The following BCL2 variants were observed in gnomAD, a reference collection of about 807,000 sequenced individuals.
The protein encoded by BCL2 is BCL2 apoptosis regulator, also known as apoptosis regulator Bcl-2.
A neutral mutation model predicts 14.2 loss-of-function variants in BCL2; 1 was observed. The observed-to-expected ratio is 0.07, with a 90% CI of 0.02 to 0.33. BCL2 has a LOEUF of 0.33. BCL2 is among the 10% of genes least tolerant of loss of function. BCL2 has a pLI of 0.99. For missense variants in BCL2, 247 were observed against 305.9 expected, an observed-to-expected ratio of 0.81 and a Z score of 1.44; for synonymous variants, 151 against 137.2, an observed-to-expected ratio of 1.10 and a Z score of -0.70.
intron 2 of BCL2, among the ~76,000 whole-genome samples, chr18:63,151,544 A>C: frequency 1.6e-5 from 2 of 124,918 alleles, no homozygotes; most frequent in South Asian, 2.8e-4. Context: ...CATAGGCTAC[A>C]GGGGGAGGAT....
intron 2 of BCL2, among the ~76,000 whole-genome samples, chr18:63,196,068 T>C (rs1213902009): frequency 6.6e-6 from 1 of 152,216 alleles, no homozygotes; most frequent in Non-Finnish European, 1.5e-5. Context: ...CAATTCTCTA[T>C]TTTACCTTGT....
At chr18:63,224,536 T>C (rs899242886) in intron 2 of BCL2, among the ~76,000 whole-genome samples, 9 of 152,216 alleles carry the variant, frequency 5.9e-5, no homozygotes, top group African/African-American at 2.2e-4. Flanking sequence ...TTTTTTAACC[T>C]GGATTTTCCC....
rs34986306 is a variant in BCL2 at position 63,294,998 on chromosome 18, CA to C, written c.585+23083del. ...AAACCCCCATCTCTACTGAAAATAC[CA>C]AAAAAAAAAAAAAAAATTAGCCAGG... On this transcript the variant is annotated intron_variant, in intron 2 of 2. Coordinates refer to ENST00000333681, the MANE Select transcript of BCL2 (RefSeq NM_000633.3). 3.8e-3 allele frequency among the ~76,000 whole-genome samples: 506 copies of C among 132,372 alleles called. 1 individual carries two copies. The highest frequency in any genetic ancestry group is 6.5e-3 in the Admixed American group (87 of 13,326). 86.8% of individuals were successfully genotyped at this position (132,372 alleles called of 152,430 possible). A position where few individuals can be genotyped will look rare whatever the true frequency, so the allele number is the denominator to read the frequency against.
chr18:63,206,394 A>G (rs1308138878), intron 2 of BCL2, among the ~76,000 whole-genome samples: 2 of 152,250 alleles, frequency 1.3e-5, no homozygotes, highest in African/African-American at 4.8e-5. Context: ...CCTTTTCCCT[A>G]GGATCTCTCA....
chr18:63,128,944 G>T (rs1913989370), intron 2 of BCL2, among the ~76,000 whole-genome samples, 185 bp from the exon 3 acceptor site: 1 of 152,142 alleles, frequency 6.6e-6, no homozygotes, highest in Non-Finnish European at 1.5e-5. Context: ...TTAATTCAAG[G>T]CATATTTATT....
intron 2 of BCL2, among the ~76,000 whole-genome samples, chr18:63,274,319 G>C (rs1024241805): frequency 2.6e-4 from 30 of 114,448 alleles, no homozygotes; most frequent in African/African-American, 9.3e-4. Flanking sequence ...GTCTTGCTCT[G>C]TCACCCAGGC....
chr18:63,192,592 C>T (rs1425766955), intron 2 of BCL2, among the ~76,000 whole-genome samples: 3 of 152,104 alleles, frequency 2.0e-5, no homozygotes, highest in Admixed American at 6.5e-5. Context: ...TCCCTTGGTG[C>T]CCCTCACCCA....
At chr18:63,255,355 C>T (rs1465612873) in intron 2 of BCL2, among the ~76,000 whole-genome samples, 1 of 152,196 alleles carries the variant, frequency 6.6e-6, no homozygotes, top group Non-Finnish European at 1.5e-5. Context: ...CTGCTTCCTC[C>T]TCTCTGGGGA....
intron 2 of BCL2, among the ~76,000 whole-genome samples, chr18:63,275,920 C>A (rs1016970646): frequency 6.6e-6 from 1 of 152,204 alleles, no homozygotes; most frequent in Admixed American, 6.5e-5. Flanking sequence ...TTATTTATTG[C>A]AGGAAAAGGA....
chr18:63,272,322 A>C lies in BCL2; in HGVS notation c.585+45760T>G, dbSNP rs555310551. ...AGTGACAGGGATCAGCGGCTAAGAC[A>C]CTGGCCATTACAGGAGGTATGTTGA... On this transcript the variant is annotated intron_variant, in intron 2 of 2. Coordinates refer to ENST00000333681, the MANE Select transcript of BCL2 (RefSeq NM_000633.3). Among the ~76,000 whole-genome samples the C allele has an allele frequency of 5.6e-4, 86 of 152,352 alleles. 1 individual carries two copies. Among genetic ancestry groups the C allele is most frequent in the South Asian group, 4.6e-3 (22 of 4,826 alleles).
chr18:63,236,146 CTGCCCTCATGTAAGACG>C (rs1334953221), intron 2 of BCL2, among the ~76,000 whole-genome samples: 2 of 152,312 alleles, frequency 1.3e-5, no homozygotes, highest in East Asian at 3.9e-4. Context: ...GCTCTCTTGC[CTGCCCTCATGTAAGACG>C]TGCCTTTGCT....
chr18:63,155,064 T>A (rs1914739670), intron 2 of BCL2, among the ~76,000 whole-genome samples: 1 of 152,136 alleles, frequency 6.6e-6, no homozygotes, highest in African/African-American at 2.4e-5. Flanking sequence ...ATATCTAACA[T>A]CTCTGAGCCT....
intron 2 of BCL2, among the ~76,000 whole-genome samples, chr18:63,291,347 G>T (rs8083727): frequency 6.6e-6 from 1 of 152,104 alleles, no homozygotes; most frequent in Non-Finnish European, 1.5e-5. Context: ...TGAAGTTCAC[G>T]GTTATTTTTA....
At chr18:63,239,604 GCAATGCATGC>G (rs967054167) in intron 2 of BCL2, among the ~76,000 whole-genome samples, 2 of 152,132 alleles carry the variant, frequency 1.3e-5, no homozygotes, top group African/African-American at 2.4e-5. Flanking sequence ...GCCGGGCATG[GCAATGCATGC>G]CTGTAATCCC....
At chr18:63,174,975 ACACTGACC>A (rs1178395086) in intron 2 of BCL2, among the ~76,000 whole-genome samples, 2 of 152,208 alleles carry the variant, frequency 1.3e-5, no homozygotes, top group African/African-American at 4.8e-5. Context: ...CTAAGATGCC[ACACTGACC>A]CACAAATCCA....
intron 2 of BCL2, among the ~76,000 whole-genome samples, chr18:63,306,796 A>G (rs1181637098): frequency 6.6e-6 from 1 of 151,382 alleles, no homozygotes; most frequent in African/African-American, 2.4e-5. Context: ...ATACAGCCCA[A>G]CACACATTTG....
intron 2 of BCL2, among the ~76,000 whole-genome samples, chr18:63,155,490 G>A (rs1233718713): frequency 1.3e-5 from 2 of 152,088 alleles, no homozygotes; most frequent in Admixed American, 6.5e-5. Flanking sequence ...GGGTCTCGGA[G>A]GGTCCAGCTG....
At chr18:63,155,330 T>C (rs1318798371) in intron 2 of BCL2, among the ~76,000 whole-genome samples, 1 of 152,116 alleles carries the variant, frequency 6.6e-6, no homozygotes, top group Admixed American at 6.5e-5. Flanking sequence ...AGGCGACAAA[T>C]CTCATTTGCA....
At chr18:63,195,928 G>C (rs1463030459) in intron 2 of BCL2, among the ~76,000 whole-genome samples, 1 of 152,154 alleles carries the variant, frequency 6.6e-6, no homozygotes, top group Non-Finnish European at 1.5e-5. Context: ...CATAATTATA[G>C]CCCAGAGAAA....
Sources: allele counts gnomAD v4.1 joint callset (sites outside exome capture counted in the v4.1 genomes callset), GRCh38; gene constraint gnomAD v4.1.1; transcripts MANE v1.5; gene names NCBI Gene and HGNC (gene_info 2026-07-23, HGNC 2026-07-21).